SLIT3: variants seen among roughly 807,000 people sequenced by gnomAD.
SLIT3 encodes slit guidance ligand 3.
SLIT3 carries 68 observed loss-of-function variants against 184.0 expected under a neutral mutation model. The ratio of observed to expected loss-of-function variants is 0.37; its 90% CI spans 0.30 to 0.45. The LOEUF (loss-of-function observed/expected upper bound fraction) is 0.45, where lower values mean the gene tolerates loss of function less well. SLIT3 is among the 20% of genes least tolerant of loss of function. The pLI is 1.00. For synonymous variants in SLIT3, 831 were observed against 828.6 expected, an observed-to-expected ratio of 1.00 and a Z score of -0.05; for missense variants, 1,707 against 2,026.0, an observed-to-expected ratio of 0.84 and a Z score of 3.02.
At chr5:168,687,647 T>G (rs1761786780) in intron 29 of SLIT3, among the ~76,000 whole-genome samples, 1 of 152,258 alleles carries the variant, frequency 6.6e-6, no homozygotes, top group Non-Finnish European at 1.5e-5. Flanking sequence ...TACCTCTCTG[T>G]GTTTCAGTTT....
At chr5:168,857,393 GT>G (rs1228209657) in intron 5 of SLIT3, among the ~76,000 whole-genome samples, 20 of 151,956 alleles carry the variant, frequency 1.3e-4, no homozygotes, top group African/African-American at 4.6e-4. Context: ...GTTTTGTTTT[GT>G]TTTGTTTTGT....
At position 169,116,174 on chromosome 5, in the gene SLIT3, T is replaced by G. The variant is rs977685833; in HGVS notation, c.413+77305A>C. Among the ~76,000 whole-genome samples the G allele has an allele frequency of 2.2e-4, 33 of 152,256 alleles. 1 individual carries two copies. The highest frequency in any genetic ancestry group is 7.9e-4 in the African/African-American group (33 of 41,548). On this transcript the variant is annotated intron_variant, in intron 4 of 35. Coordinates refer to ENST00000519560, the MANE Select transcript of SLIT3 (RefSeq NM_003062.4). Reference sequence around the variant, plus strand: ...TGGATTATTTTTATTATTTTTGCATTTATTATTGTATTTATTATTGCAATA... The same window carrying G: ...TGGATTATTTTTATTATTTTTGCATGTATTATTGTATTTATTATTGCAATA...
rs752141738 is a variant in SLIT3, at chr5:168,883,294, C to T, written c.456G>A (p.Ala152=). 7 of 1,614,104 alleles carry T rather than the reference C, an allele frequency of 4.3e-6. No individual in the cohort carries two copies. Among genetic ancestry groups the T allele is most frequent in the Non-Finnish European group, 4.2e-6 (5 of 1,179,938 alleles). The part of the protein sequence containing the change: ...ENQIQGIPRK[A]FRGITDVKNL... ...TCTTCACATCGGTGATGCCGCGGAACGCCTTCCTCGGGATCCCCTGGATCT... is the reference window on the plus strand; with the variant it reads ...TCTTCACATCGGTGATGCCGCGGAATGCCTTCCTCGGGATCCCCTGGATCT... Residue 152 remains alanine (A), a synonymous_variant, in exon 5 of 36, where the codon GCG becomes GCA. Coordinates refer to ENST00000519560, the MANE Select transcript of SLIT3 (RefSeq NM_003062.4).
intron 10 of SLIT3, chr5:168,791,112 A>G (rs1392468397): frequency 2.6e-5 from 4 of 152,276 alleles, no homozygotes; most frequent in Non-Finnish European, 5.9e-5. Context: ...GGATTATCCT[A>G]ATCTCACTTG....
At chr5:168,915,582 C>T (rs79809896) in intron 4 of SLIT3, among the ~76,000 whole-genome samples, 2,237 of 151,908 alleles carry the variant, frequency 0.015, 65 homozygotes, top group African/African-American at 0.051. Flanking sequence ...TTTTATTATG[C>T]GAACATATCC....
chr5:168,666,286 AAAT>A lies in SLIT3; in HGVS notation c.*165_*167del. 1 of 573,426 alleles carries A rather than the reference AAAT, an allele frequency of 1.7e-6. No individual in the cohort carries two copies. The highest frequency in any genetic ancestry group is 4.5e-5 in the South Asian group (1 of 22,138). 35.5% of individuals were successfully genotyped at this position (573,426 alleles called of 1,614,324 possible). On this transcript the variant is annotated 3_prime_UTR_variant, in exon 36 of 36. Transcript: ENST00000519560. ...TGAAAATAGTCACTTTCCATAATAAAAATAAGTTCTATTTTTTGTTTATTTTAC... is the reference window on the plus strand; with the variant it reads ...TGAAAATAGTCACTTTCCATAATAAAAAGTTCTATTTTTTGTTTATTTTAC...
chr5:169,186,868 GATACCAT>G (rs1561723674), intron 4 of SLIT3, among the ~76,000 whole-genome samples: 13 of 7,732 alleles, frequency 1.7e-3, no homozygotes, highest in African/African-American at 0.011. Flanking sequence ...GCTCCACCAT[GATACCAT>G]GATAACAGCG....
At chr5:168,755,389 A>ATTTATTTCTTTTTCTTTCTTTCTTTC (rs1213373035) in intron 16 of SLIT3, among the ~76,000 whole-genome samples, 1 of 133,640 alleles carries the variant, frequency 7.5e-6, no homozygotes, top group Non-Finnish European at 1.7e-5. Flanking sequence ...CAGTGCCGCC[A>ATTTATTTCTTTTTCTTTCTTTCTTTC]TTTCTTTCTT....
chr5:168,722,907 TA>T, intron 22 of SLIT3, 25 bp downstream of exon 22: 1 of 1,569,048 alleles, frequency 6.4e-7, no homozygotes, highest in Non-Finnish European at 8.8e-7. Flanking sequence ...AAGGGCATGG[TA>T]AACACAGCAT....
At chr5:169,198,977 T>A (rs297848) in intron 3 of SLIT3, among the ~76,000 whole-genome samples, 1 of 109,234 alleles carries the variant, frequency 9.2e-6, no homozygotes, top group African/African-American at 3.4e-5. Flanking sequence ...CACACACACA[T>A]ATGTGTGTAT....
At chr5:169,238,228 G>A (rs903285846) in intron 3 of SLIT3, among the ~76,000 whole-genome samples, 2 of 151,972 alleles carry the variant, frequency 1.3e-5, no homozygotes, top group African/African-American at 4.8e-5. Context: ...TCTTTTTTGA[G>A]TTCTTCACCC....
intron 16 of SLIT3, among the ~76,000 whole-genome samples, chr5:168,755,309 T>C (rs1035609561): frequency 1.3e-5 from 2 of 152,100 alleles, no homozygotes; most frequent in African/African-American, 2.4e-5. Context: ...ATGTGGATAT[T>C]ACTTCTTTAC....
At chr5:169,285,594 A>G (rs1240809430) in intron 1 of SLIT3, among the ~76,000 whole-genome samples, 2 of 152,208 alleles carry the variant, frequency 1.3e-5, no homozygotes, top group African/African-American at 4.8e-5. Context: ...TTTTAAGTCC[A>G]TTCATAAAAA....
intron 4 of SLIT3, among the ~76,000 whole-genome samples, chr5:169,100,041 C>T (rs1301872369): frequency 6.6e-6 from 1 of 152,150 alleles, no homozygotes. Context: ...TTCTGCTTCA[C>T]GTACACTTAT....
At chr5:168,735,450 C>T (rs749646194) in intron 20 of SLIT3, among the ~76,000 whole-genome samples, 2 of 152,146 alleles carry the variant, frequency 1.3e-5, no homozygotes, top group Non-Finnish European at 2.9e-5. Context: ...CCTGGCTCTA[C>T]TATCTAAGAG....
intron 3 of SLIT3, among the ~76,000 whole-genome samples, chr5:169,226,638 A>G (rs1049133924): frequency 2.0e-5 from 3 of 152,180 alleles, no homozygotes; most frequent in Non-Finnish European, 4.4e-5. Flanking sequence ...AGTGTGAGAC[A>G]CAGTAGGTGT....
intron 6 of SLIT3, among the ~76,000 whole-genome samples, chr5:168,829,209 T>G (rs1422231756): frequency 6.6e-6 from 1 of 152,256 alleles, no homozygotes; most frequent in Non-Finnish European, 1.5e-5. Context: ...GCCATCGCTT[T>G]TTCACTCTGT....
intron 4 of SLIT3, among the ~76,000 whole-genome samples, chr5:169,052,963 A>C (rs1757867667): frequency 6.6e-6 from 1 of 151,752 alleles, no homozygotes; most frequent in African/African-American, 2.4e-5. Flanking sequence ...ACCGATGCCC[A>C]AAGGAAAGTG....
At chr5:169,000,164 C>A (rs1475082985) in intron 4 of SLIT3, among the ~76,000 whole-genome samples, 1 of 151,974 alleles carries the variant, frequency 6.6e-6, no homozygotes, top group Non-Finnish European at 1.5e-5. Flanking sequence ...GAGGCTGAGG[C>A]AGGCGCATCA....
Sources: gnomAD v4.1 joint callset for allele counts (sites outside exome capture counted in the v4.1 genomes callset) on GRCh38, gnomAD v4.1.1 for gene constraint, MANE v1.5 for transcripts, NCBI Gene and HGNC (gene_info 2026-07-23, HGNC 2026-07-21) for gene names.